Variants in ARHGEF10L observed in about 807,000 individuals in gnomAD.
ARHGEF10L encodes Rho guanine nucleotide exchange factor 10 like.
ARHGEF10L carries 69 observed loss-of-function variants against 141.2 expected under a neutral mutation model. That is an observed-to-expected ratio of 0.49 (90% CI 0.40 to 0.60). ARHGEF10L has a LOEUF of 0.60. Ranked by LOEUF, ARHGEF10L falls within the 20% of genes least tolerant of loss-of-function variation. The probability of loss-of-function intolerance (pLI) is 0.00; values close to 1 mark genes in which losing one functional copy is unlikely to be tolerated. For missense variants in ARHGEF10L, 1,482 were observed against 1,734.3 expected (o/e 0.85, Z 2.58); for synonymous variants, 711 against 718.5 (o/e 0.99, Z 0.17).
intron 26 of ARHGEF10L, among the ~76,000 whole-genome samples, chr1:17,682,534 G>A (rs928792290): frequency 6.6e-6 from 1 of 152,180 alleles, no homozygotes; most frequent in African/African-American, 2.4e-5. Flanking sequence ...TTTTCTATGC[G>A]GATGTGACTG....
chr1:17,612,371 T>C (rs2059591457), intron 7 of ARHGEF10L, among the ~76,000 whole-genome samples: 1 of 152,208 alleles, frequency 6.6e-6, no homozygotes, highest in South Asian at 2.1e-4. Context: ...TCTTCATCCA[T>C]CCATCTGTCC....
intron 26 of ARHGEF10L, among the ~76,000 whole-genome samples, chr1:17,680,689 T>C (rs923287882): frequency 6.0e-5 from 9 of 150,648 alleles, no homozygotes; most frequent in Non-Finnish European, 4.4e-5. Flanking sequence ...CACTGGGTAG[T>C]GGGGATCTGG....
At chr1:17,636,900 C>T (rs1306929421) in intron 18 of ARHGEF10L, among the ~76,000 whole-genome samples, 5 of 152,102 alleles carry the variant, frequency 3.3e-5, no homozygotes, top group East Asian at 3.9e-4. Flanking sequence ...AGGGGCCTAG[C>T]GTTCAAGGCC....
chr1:17,663,737 C>T lies in ARHGEF10L; in HGVS notation c.2861-710C>T, dbSNP rs541380305. ...CATCAGAAAAGTCCTCAGAGACAATCTTGTCAGCTCCCCACCCCATTTTAC... is the reference window on the plus strand; with the variant it reads ...CATCAGAAAAGTCCTCAGAGACAATTTTGTCAGCTCCCCACCCCATTTTAC... On this transcript the variant is annotated intron_variant, in intron 25 of 28. Transcript: ENST00000361221. 9.2e-5 allele frequency among the ~76,000 whole-genome samples: 14 copies of T among 152,230 alleles called. No homozygotes were observed. In the South Asian group the frequency reaches 1.2e-3, roughly 14 times the overall value.
chr1:17,613,191 C>T lies in ARHGEF10L; in HGVS notation c.726+17C>T, dbSNP rs2059637056. ...GATTGTAAGGTATTGTCTGTCTGTC[C>T]CCTCAAGCCCTGGATGGGGGCTGTT... On this transcript the variant is annotated intron_variant, in intron 8 of 28. Transcript: ENST00000361221. 2 of 1,596,878 alleles carry T rather than the reference C, an allele frequency of 1.3e-6. No individual in the cohort carries two copies. Among genetic ancestry groups the T allele is most frequent in the Non-Finnish European group, 1.7e-6 (2 of 1,165,688 alleles).
intron 4 of ARHGEF10L, among the ~76,000 whole-genome samples, chr1:17,593,547 C>T (rs1434244807): frequency 1.3e-5 from 2 of 152,058 alleles, no homozygotes; most frequent in Non-Finnish European, 2.9e-5. Context: ...CGCTCCTGGC[C>T]TTGGAAATGG....
chr1:17,629,968 G>T (rs116385156), intron 15 of ARHGEF10L, among the ~76,000 whole-genome samples: 2,145 of 152,340 alleles, frequency 0.014, 64 homozygotes, highest in African/African-American at 0.049. Context: ...TGTGAGGTGG[G>T]CCCTGGCTGG....
At chr1:17,618,271 A>AC in intron 9 of ARHGEF10L, 3 of 665,088 alleles carry the variant, frequency 4.5e-6, no homozygotes, top group Non-Finnish European at 4.5e-6. Flanking sequence ...CACCCCGCCC[A>AC]CAAGCCCAGC....
At position 17,622,985 on chromosome 1, in the gene ARHGEF10L, C is replaced by T; in HGVS notation, c.1021-11C>T. The T allele has an allele frequency of 3.7e-6, 6 of 1,609,050 alleles. No individual in the cohort carries two copies. The East Asian group carries it at 1.3e-4, about 36-fold the overall frequency. The stretch of plus-strand genomic sequence containing the variant: ...GCCTGGCCTGCGGCCTCACCCCGCC[C>T]TCCCCGGCAGGACTACCGCAACCCC... On this transcript the variant is annotated splice_polypyrimidine_tract_variant and intron_variant, in intron 11 of 28. Coordinates refer to ENST00000361221, the MANE Select transcript of ARHGEF10L (RefSeq NM_018125.4).
intron 7 of ARHGEF10L, among the ~76,000 whole-genome samples, chr1:17,612,372 C>G (rs1238467036): frequency 1.3e-5 from 2 of 152,246 alleles, no homozygotes; most frequent in East Asian, 3.9e-4. Context: ...CTTCATCCAT[C>G]CATCTGTCCA....
chr1:17,514,290 C>T, the ARHGEF10L span, among the ~76,000 whole-genome samples: 1 of 151,784 alleles, frequency 6.6e-6, no homozygotes, highest in Non-Finnish European at 1.5e-5. Flanking sequence ...CGCCTGCCAC[C>T]ACGCCCAGCT....
intron 15 of ARHGEF10L, among the ~76,000 whole-genome samples, chr1:17,629,226 T>C (rs1311267671): frequency 6.7e-6 from 1 of 150,192 alleles, no homozygotes; most frequent in Non-Finnish European, 1.5e-5. Flanking sequence ...GGGGTCTCAC[T>C]ATGATGCCCA....
At chr1:17,612,561 C>G (rs970945399) in intron 7 of ARHGEF10L, among the ~76,000 whole-genome samples, 1 of 152,154 alleles carries the variant, frequency 6.6e-6, no homozygotes, top group Non-Finnish European at 1.5e-5. Context: ...CTTCTTCTAC[C>G]CTTCCATTCA....
intron 9 of ARHGEF10L, among the ~76,000 whole-genome samples, chr1:17,618,125 G>A (rs974684501): frequency 6.6e-6 from 1 of 152,224 alleles, no homozygotes; most frequent in Non-Finnish European, 1.5e-5. Flanking sequence ...ATGATGGAGG[G>A]AGCAGGCCAA....
chr1:17,607,199 G>A lies in ARHGEF10L; in HGVS notation c.434-603G>A, dbSNP rs1557806232. Among the ~76,000 whole-genome samples, 1 of 152,174 alleles carries A rather than the reference G, an allele frequency of 6.6e-6. No homozygotes were observed. The highest frequency in any genetic ancestry group is 2.4e-5 in the African/African-American group (1 of 41,444). ...AGGCCACGTGTGGTGGCTCGGCTGG[G>A]TGTGGTGGCTCACGCCTGTAACCCT... On this transcript the variant is annotated intron_variant, in intron 6 of 28. Transcript: ENST00000361221. This position sits in a 1 kb window ranked among gnomAD's most constrained non-coding sequence, Gnocchi z 4.5.
intron 26 of ARHGEF10L, among the ~76,000 whole-genome samples, chr1:17,681,290 C>T (rs1161414497): frequency 6.6e-6 from 1 of 152,220 alleles, no homozygotes; most frequent in African/African-American, 2.4e-5. Flanking sequence ...TTCAACGTAA[C>T]TGCATGGCAT....
intron 6 of ARHGEF10L, among the ~76,000 whole-genome samples, chr1:17,606,809 G>A (rs1003950083): frequency 1.3e-5 from 2 of 152,202 alleles, no homozygotes; most frequent in African/African-American, 2.4e-5. Flanking sequence ...TGACGGAGCT[G>A]GGGCTGGGAC....
chr1:17,610,531 T>A (rs529192407), intron 7 of ARHGEF10L, among the ~76,000 whole-genome samples: 77 of 152,308 alleles, frequency 5.1e-4, no homozygotes, highest in Middle Eastern at 3.4e-3. Context: ...TGCGGAGGGC[T>A]TTTCCTCTGG....
chr1:17,540,461 GC>G (rs1412987576), intron 1 of ARHGEF10L, among the ~76,000 whole-genome samples: 1 of 152,114 alleles, frequency 6.6e-6, no homozygotes, highest in African/African-American at 2.4e-5. Context: ...AGGAGAGGAT[GC>G]CGGGTCAGCC....
Sources: allele counts gnomAD v4.1 joint callset (sites outside exome capture counted in the v4.1 genomes callset), GRCh38; gene constraint gnomAD v4.1.1; non-coding constraint Gnocchi (gnomAD v3.1); transcripts MANE v1.5; gene names NCBI Gene and HGNC (gene_info 2026-07-23, HGNC 2026-07-21).